SEMA3E: variants seen among roughly 807,000 people sequenced by gnomAD.
SEMA3E encodes the protein semaphorin-3E.
A neutral mutation model predicts 93.6 loss-of-function variants in SEMA3E; 49 were observed. The ratio of observed to expected loss-of-function variants is 0.52; its 90% CI spans 0.42 to 0.66. The LOEUF is 0.66. SEMA3E is among the 30% of genes least tolerant of loss of function. The probability of loss-of-function intolerance (pLI) is 0.00; values close to 1 mark genes in which losing one functional copy is unlikely to be tolerated. For missense variants in SEMA3E, 906 were observed against 964.8 expected (o/e 0.94, Z 0.81); for synonymous variants, 363 against 330.7 (o/e 1.10, Z -1.06).
chr7:83,578,146 T>TA (rs1792447375), intron 1 of SEMA3E, among the ~76,000 whole-genome samples: 2 of 133,198 alleles, frequency 1.5e-5, no homozygotes, highest in East Asian at 2.0e-4. Context: ...AGTTTTCTCA[T>TA]TAAAAAAAAA....
At position 83,387,044 on chromosome 7, in the gene SEMA3E, G is replaced by A; in HGVS notation, c.1674C>T (p.Phe558=). Residue 558 remains phenylalanine, a synonymous_variant, in exon 15 of 17, where the codon TTC becomes TTT. Coordinates refer to ENST00000643230, the MANE Select transcript of SEMA3E (RefSeq NM_012431.3). ...TTCCATGTCGAACATCTTGTCTCCGGAAACGCCTGAAAGAAAGTAAATGCA... is the reference window on the plus strand; with the variant it reads ...TTCCATGTCGAACATCTTGTCTCCGAAAACGCCTGAAAGAAAGTAAATGCA... The part of the protein sequence containing the change: ...YPTGTHAKRR[F]RRQDVRHGNA... 1.2e-6 allele frequency: 2 copies of A among 1,612,892 alleles called. No individual in the cohort carries two copies. Among genetic ancestry groups the A allele is most frequent in the Non-Finnish European group, 1.7e-6 (2 of 1,179,496 alleles).
intron 1 of SEMA3E, among the ~76,000 whole-genome samples, chr7:83,613,500 G>A (rs962572577): frequency 6.6e-6 from 1 of 151,888 alleles, no homozygotes; most frequent in African/African-American, 2.4e-5. Context: ...CTAACAAAGA[G>A]CCCTATTTAC....
chr7:83,585,301 T>C (rs1490918775), intron 1 of SEMA3E, among the ~76,000 whole-genome samples: 1 of 152,172 alleles, frequency 6.6e-6, no homozygotes, highest in Non-Finnish European at 1.5e-5. Flanking sequence ...AGCAATCATT[T>C]TATATATTTG....
intron 1 of SEMA3E, among the ~76,000 whole-genome samples, chr7:83,607,615 T>C (rs1793153765): frequency 6.6e-6 from 1 of 152,138 alleles, no homozygotes; most frequent in Non-Finnish European, 1.5e-5. Context: ...AAATAAAAAT[T>C]TGGAATACTA....
chr7:83,496,381 T>C (rs1269294747), intron 1 of SEMA3E, among the ~76,000 whole-genome samples: 2 of 152,052 alleles, frequency 1.3e-5, no homozygotes, highest in Non-Finnish European at 2.9e-5. Flanking sequence ...AAATATTTAA[T>C]AGGTTGTATT....
intron 16 of SEMA3E, among the ~76,000 whole-genome samples, chr7:83,383,345 C>CA (rs1562754778): frequency 6.7e-6 from 1 of 148,318 alleles, no homozygotes; most frequent in East Asian, 2.0e-4. Context: ...TTATGTTTCA[C>CA]AAAAAAGAGA....
intron 1 of SEMA3E, among the ~76,000 whole-genome samples, chr7:83,501,165 ACTT>A (rs1459750042): frequency 1.3e-5 from 2 of 152,166 alleles, no homozygotes; most frequent in Non-Finnish European, 2.9e-5. Context: ...ATATCTGGTT[ACTT>A]CATCATTAAT....
At chr7:83,639,955 C>G (rs1793970237) in intron 1 of SEMA3E, among the ~76,000 whole-genome samples, 1 of 151,982 alleles carries the variant, frequency 6.6e-6, no homozygotes, top group African/African-American at 2.4e-5. Context: ...AACTTTGTGA[C>G]TCAGTGTTAG....
At chr7:83,423,892 C>T (rs996198386) in intron 4 of SEMA3E, among the ~76,000 whole-genome samples, 1 of 152,080 alleles carries the variant, frequency 6.6e-6, no homozygotes, top group South Asian at 2.1e-4. Context: ...TAATAACTTA[C>T]TCATGTAACC....
rs1788474467 is a variant in SEMA3E, at chr7:83,413,134, T to C, written c.551-4647A>G. On this transcript the variant is annotated intron_variant, in intron 5 of 16. Coordinates refer to ENST00000643230, the MANE Select transcript of SEMA3E (RefSeq NM_012431.3). ...ACTTTTCTATATAACTCCTTTTTTT[T>C]ACAATGTGAACTCTAGTTGAAGTTT... Among the ~76,000 whole-genome samples, 3 of 152,308 alleles carry C rather than the reference T, an allele frequency of 2.0e-5. No homozygotes were observed. In the South Asian group the frequency reaches 6.2e-4, roughly 32 times the overall value.
chr7:83,381,252 C>G (rs1488204705), intron 16 of SEMA3E, among the ~76,000 whole-genome samples: 1 of 151,928 alleles, frequency 6.6e-6, no homozygotes, highest in Non-Finnish European at 1.5e-5. Flanking sequence ...TTGACCTCAC[C>G]TCTCTGGTTC....
chr7:83,522,740 T>C (rs2159597), intron 1 of SEMA3E, among the ~76,000 whole-genome samples: 82,025 of 151,948 alleles, frequency 0.54, 24,111 homozygotes, highest in Middle Eastern at 0.71. Context: ...ATGTTACCAT[T>C]TTTTAGTATG....
chr7:83,481,488 A>C (rs1790145189), intron 2 of SEMA3E, among the ~76,000 whole-genome samples: 1 of 152,210 alleles, frequency 6.6e-6, no homozygotes, highest in South Asian at 2.1e-4. Context: ...GATTTTAGAG[A>C]CTTTTACATA....
At chr7:83,400,667 A>T (rs1051159405) in intron 10 of SEMA3E, among the ~76,000 whole-genome samples, 1 of 152,158 alleles carries the variant, frequency 6.6e-6, no homozygotes, top group Non-Finnish European at 1.5e-5. Flanking sequence ...AAATTATTTC[A>T]AACATGCAGC....
intron 1 of SEMA3E, among the ~76,000 whole-genome samples, chr7:83,537,293 A>C (rs1401134226): frequency 6.6e-6 from 1 of 152,198 alleles, no homozygotes; most frequent in Admixed American, 6.6e-5. Context: ...ACAAATATTT[A>C]AACAATTTTT....
At chr7:83,545,563 A>AG (rs201559511) in intron 1 of SEMA3E, among the ~76,000 whole-genome samples, 4 of 125,468 alleles carry the variant, frequency 3.2e-5, no homozygotes, top group African/African-American at 7.8e-5. Flanking sequence ...AAAAAAAAAA[A>AG]AAAAAAGAAA....
At chr7:83,422,749 G>A (rs1788690252) in intron 4 of SEMA3E, among the ~76,000 whole-genome samples, 1 of 152,108 alleles carries the variant, frequency 6.6e-6, no homozygotes, top group South Asian at 2.1e-4. Flanking sequence ...ACCTTATATA[G>A]TAAAATTGAA....
At chr7:83,409,795 T>TTTTAAATTTTAA (rs1788404049) in intron 5 of SEMA3E, among the ~76,000 whole-genome samples, 1 of 151,738 alleles carries the variant, frequency 6.6e-6, no homozygotes, top group Non-Finnish European at 1.5e-5. Context: ...ATTGTTTAAT[T>TTTTAAATTTTAA]ATTTATGAAG....
At chr7:83,495,601 A>G (rs1790475538) in intron 1 of SEMA3E, among the ~76,000 whole-genome samples, 1 of 151,904 alleles carries the variant, frequency 6.6e-6, no homozygotes, top group South Asian at 2.1e-4. Flanking sequence ...TATGGAAACA[A>G]ATTGTTTTTA....
Sources: allele counts gnomAD v4.1 joint callset (sites outside exome capture counted in the v4.1 genomes callset), GRCh38; gene constraint gnomAD v4.1.1; transcripts MANE v1.5; gene names NCBI Gene and HGNC (gene_info 2026-07-23, HGNC 2026-07-21).